Variants in TMPRSS13 observed in about 807,000 individuals in gnomAD.
The protein encoded by TMPRSS13 is transmembrane protease serine 13.
Under a neutral mutation model 68.4 loss-of-function variants are expected in TMPRSS13, and 50 were observed. The ratio of observed to expected loss-of-function variants is 0.73; its 90% confidence interval spans 0.58 to 0.93. The LOEUF is 0.93. TMPRSS13 is among the 40% of genes least tolerant of loss of function. The pLI is 0.00. For synonymous variants in TMPRSS13, 267 were observed against 285.8 expected, an observed-to-expected ratio of 0.93 and a Z score of 0.66; for missense variants, 615 against 729.2, an observed-to-expected ratio of 0.84 and a Z score of 1.80.
In TMPRSS13 at chr11:117,922,303, C is replaced by T. The variant is rs574143496; in HGVS notation, c.22-3465G>A. On this transcript the variant is annotated intron_variant, in intron 1 of 12. Coordinates refer to ENST00000524993, the MANE Select transcript of TMPRSS13 (RefSeq NM_001077263.3). The surrounding 1 kb of genome is among the most constrained non-coding windows in gnomAD (Gnocchi z 4.2). Reference sequence around the variant, plus strand: ...AGGCTGGAGTACAGTGGCGTGATCTCGGCTCACTGCAACCTCCACCTCCCG... The same window carrying T: ...AGGCTGGAGTACAGTGGCGTGATCTTGGCTCACTGCAACCTCCACCTCCCG... Among the ~76,000 whole-genome samples the T allele has an allele frequency of 1.0e-3, 158 of 152,242 alleles. No individual in the cohort carries two copies. Among genetic ancestry groups the T allele is most frequent in the African/African-American group, 3.1e-3 (127 of 41,538 alleles).
In TMPRSS13 at chr11:117,918,731, C is replaced by T. The variant is rs1591628021; in HGVS notation, c.129G>A (p.Gln43=). 1 of 1,606,978 alleles carries T rather than the reference C, an allele frequency of 6.2e-7. No individual in the cohort carries two copies. Among genetic ancestry groups the T allele is most frequent in the African/African-American group, 1.4e-5 (1 of 70,718 alleles). The change falls in exon 2 of 13, where the codon CAG becomes CAA. Residue 43 remains glutamine (Q), a synonymous_variant. Transcript: ENST00000524993. ...RASPAQASPA[Q]ASPAGTPPGR... is the part of the protein sequence containing the mutation. ...CCGGAGGTGTCCCAGCTGGAGATGC[C>T]TGGGCTGGAGATGCCTGGGCTGGAG... is the stretch of plus-strand genomic sequence containing the variant.
chr11:117,905,716 G>A lies in TMPRSS13; in HGVS notation c.1303C>T (p.Leu435Phe). The change falls in exon 10 of 13, where the codon CTC becomes TTC. Residue 435 changes from leucine (L) to phenylalanine (F), a missense_variant. Leu to Phe is a conservative substitution (Grantham distance 22). Coordinates refer to ENST00000524993, the MANE Select transcript of TMPRSS13 (RefSeq NM_001077263.3). Reference protein sequence around the residue: ...TLSAHIHPACLPMHGQTFSLN... With the variant: ...TLSAHIHPACFPMHGQTFSLN... ...CTAAAGGTCTGTCCATGCATGGGGA[G>A]GCAAGCAGGGTGGATGTGAGCTGCA... 6.2e-7 allele frequency: 1 copy of A among 1,602,538 alleles called. No homozygotes were observed. The highest frequency in any genetic ancestry group is 8.5e-7 in the Non-Finnish European group (1 of 1,173,106).
At chr11:117,924,972 G>A (rs1187934757) in intron 1 of TMPRSS13, among the ~76,000 whole-genome samples, 1 of 152,184 alleles carries the variant, frequency 6.6e-6, no homozygotes, top group East Asian at 1.9e-4. Context: ...GGGGTGGGGG[G>A]CACGGGGAGC....
chr11:117,914,019 G>T lies in TMPRSS13; in HGVS notation c.680-113C>A. On this transcript the variant is annotated intron_variant, in intron 4 of 12. Coordinates refer to ENST00000524993, the MANE Select transcript of TMPRSS13 (RefSeq NM_001077263.3). This position sits in a 1 kb window ranked among gnomAD's most constrained non-coding sequence, Gnocchi z 4.2. ...AGCGCTTGTCCTGACAGCACTCCTT[G>T]CTGAGGCCTGGGAAAAGTCCAGGAA... 2 of 1,290,174 alleles carry T rather than the reference G, an allele frequency of 1.6e-6. No individual in the cohort carries two copies. The highest frequency in any genetic ancestry group is 2.1e-6 in the Non-Finnish European group (2 of 939,258). The allele number at this position is 1,290,174 out of a possible 1,614,324, so 79.9% of individuals were successfully genotyped here.
chr11:117,909,865 G>A lies in TMPRSS13; in HGVS notation c.1050C>T (p.Ile350=). 1 of 1,614,004 alleles carries A rather than the reference G, an allele frequency of 6.2e-7. No individual in the cohort carries two copies. Among genetic ancestry groups the A allele is most frequent in the Non-Finnish European group, 8.5e-7 (1 of 1,180,024 alleles). Residue 350 remains isoleucine (I), a synonymous_variant, in exon 8 of 13, where the codon ATC becomes ATT. Coordinates refer to ENST00000524993, the MANE Select transcript of TMPRSS13 (RefSeq NM_001077263.3). ...QVSLHFGTTH[I]CGGTLIDAQW... is the part of the protein sequence containing the mutation. Reference sequence around the variant, plus strand: ...GGGCGTCAATGAGCGTGCCTCCACAGATGTGGGTGGTGCCGAAGTGCAGAC... The same window carrying A: ...GGGCGTCAATGAGCGTGCCTCCACAAATGTGGGTGGTGCCGAAGTGCAGAC...
intron 1 of TMPRSS13, 52 bp from the exon 2 acceptor site, chr11:117,918,890 C>G: frequency 6.2e-7 from 1 of 1,601,676 alleles, no homozygotes; most frequent in Non-Finnish European, 8.5e-7. Context: ...CCAACCCACC[C>G]CAGCTGTCAG....
rs543460457 is a variant in TMPRSS13, at chr11:117,904,160, C to T, written c.1382-59G>A. 66 of 1,575,624 alleles carry T rather than the reference C, an allele frequency of 4.2e-5. No individual in the cohort carries two copies. In the South Asian group the frequency reaches 6.1e-4, roughly 14 times the overall value. On this transcript the variant is annotated intron_variant, in intron 10 of 12. Coordinates refer to ENST00000524993, the MANE Select transcript of TMPRSS13 (RefSeq NM_001077263.3). ...GGGAAGCCAGTGAGATTCTAGATAG[C>T]TTCCTGGCCGTCCAGCTGCCACCCC...
chr11:117,910,324 GT>G lies in TMPRSS13; in HGVS notation c.947-357del, dbSNP rs781164494. Among the ~76,000 whole-genome samples the G allele has an allele frequency of 2.6e-4, 40 of 152,292 alleles. 1 individual carries two copies. Among genetic ancestry groups the G allele is most frequent in the Non-Finnish European group, 4.4e-4 (30 of 68,026 alleles). On this transcript the variant is annotated intron_variant, in intron 7 of 12. Coordinates refer to ENST00000524993, the MANE Select transcript of TMPRSS13 (RefSeq NM_001077263.3). ...TGTGTTGGGCATTGGGGTCATGATG[GT>G]AAGTCCCAGGACTGCCATTAGGTGC... is the stretch of plus-strand genomic sequence containing the variant.
At position 117,921,581 on chromosome 11, in the gene TMPRSS13, CAGG is replaced by C. The variant is rs568365143; in HGVS notation, c.22-2746_22-2744del. Among the ~76,000 whole-genome samples the C allele has an allele frequency of 3.4e-3, 519 of 152,278 alleles. 6 individuals carry two copies. Among genetic ancestry groups the C allele is most frequent in the African/African-American group, 0.012 (495 of 41,530 alleles). ...GCTGGGGAAAGCTGTAAAGCTGGAA[CAGG>C]AGAAGGGAGTCAGACCAGACAGGGA... On this transcript the variant is annotated intron_variant, in intron 1 of 12. Coordinates refer to ENST00000524993, the MANE Select transcript of TMPRSS13 (RefSeq NM_001077263.3).
chr11:117,917,414 G>A (rs2057590379), intron 2 of TMPRSS13, 140 bp from the exon 3 acceptor site: 1 of 632,778 alleles, frequency 1.6e-6, no homozygotes, highest in South Asian at 1.9e-5. Flanking sequence ...AGATTTTATG[G>A]GGCTCAAAGT....
chr11:117,908,904 A>G (rs2057492156), intron 8 of TMPRSS13, 120 bp from the exon 9 acceptor site: 2 of 997,942 alleles, frequency 2.0e-6, no homozygotes, highest in East Asian at 5.2e-5. Context: ...GATGGATAAA[A>G]TGACCTCTGG....
intron 1 of TMPRSS13, among the ~76,000 whole-genome samples, chr11:117,928,762 C>T (rs1486602626): frequency 6.6e-6 from 1 of 152,066 alleles, no homozygotes; most frequent in East Asian, 1.9e-4. Context: ...GTTATTAAGT[C>T]CAAAAAGAAG....
intron 10 of TMPRSS13, among the ~76,000 whole-genome samples, chr11:117,904,429 C>G (rs1342619851): frequency 6.6e-6 from 1 of 152,204 alleles, no homozygotes; most frequent in Non-Finnish European, 1.5e-5. Flanking sequence ...AGATACATGG[C>G]TTTGTTTGTT....
chr11:117,926,431 G>A (rs1302747624), intron 1 of TMPRSS13, among the ~76,000 whole-genome samples: 1 of 152,158 alleles, frequency 6.6e-6, no homozygotes, highest in East Asian at 1.9e-4. Context: ...CCTTATCCTG[G>A]ACCAGCGGTG....
chr11:117,918,917 G>A (rs2057614357), intron 1 of TMPRSS13, 79 bp from the exon 2 acceptor site: 1 of 1,574,962 alleles, frequency 6.3e-7, no homozygotes, highest in Non-Finnish European at 8.6e-7. Context: ...TGCACTAGGA[G>A]ATGAATGCTC....
Position 117,914,238 on chromosome 11 carries a change from C to T in TMPRSS13, c.679+154G>A, listed in dbSNP as rs1461435905. 5.9e-5 allele frequency among the ~76,000 whole-genome samples: 9 copies of T among 152,122 alleles called. No homozygotes were observed. The highest frequency in any genetic ancestry group is 2.2e-4 in the African/African-American group (9 of 41,430). ...ACATGCACACACACATACGTGCACA[C>T]ACACATACATGCATACACACAAACA... On this transcript the variant is annotated intron_variant, in intron 4 of 12. Coordinates refer to ENST00000524993, the MANE Select transcript of TMPRSS13 (RefSeq NM_001077263.3). This position sits in a 1 kb window ranked among gnomAD's most constrained non-coding sequence, Gnocchi z 4.2.
chr11:117,925,499 C>T (rs1477234978), intron 1 of TMPRSS13, among the ~76,000 whole-genome samples: 1 of 152,220 alleles, frequency 6.6e-6, no homozygotes, highest in African/African-American at 2.4e-5. Flanking sequence ...GAACTTGCTG[C>T]CTCAATGTTT....
At chr11:117,924,879 T>C (rs1365890538) in intron 1 of TMPRSS13, among the ~76,000 whole-genome samples, 4 of 152,052 alleles carry the variant, frequency 2.6e-5, no homozygotes, top group Non-Finnish European at 5.9e-5. Flanking sequence ...ACACACGCAG[T>C]ATACAGCTCA....
chr11:117,903,640 C>T lies in TMPRSS13; in HGVS notation c.1677+15G>A, dbSNP rs1181376606. ...CCAGCCTGCTGGGTGCAGTGTCCTGCTGCAGGGATCTTACCTCCATCTTGC... is the reference window on the plus strand; with the variant it reads ...CCAGCCTGCTGGGTGCAGTGTCCTGTTGCAGGGATCTTACCTCCATCTTGC... On this transcript the variant is annotated intron_variant, in intron 12 of 12. Transcript: ENST00000524993. 1 of 1,614,108 alleles carries T rather than the reference C, an allele frequency of 6.2e-7. No homozygotes were observed. The highest frequency in any genetic ancestry group is 1.3e-5 in the African/African-American group (1 of 75,064).
Sources: gnomAD v4.1 joint callset for allele counts (sites outside exome capture counted in the v4.1 genomes callset) on GRCh38, gnomAD v4.1.1 for gene constraint, Gnocchi (gnomAD v3.1) non-coding constraint, MANE v1.5 for transcripts, NCBI Gene and HGNC (gene_info 2026-07-23, HGNC 2026-07-21) for gene names.